Variants in SLAMF6 observed in about 807,000 individuals in gnomAD.
The protein encoded by SLAMF6 is NK-T-B-antigen.
SLAMF6 carries 21 observed loss-of-function variants against 38.3 expected under a neutral mutation model. The observed-to-expected ratio is 0.55, with a 90% CI of 0.39 to 0.79. The LOEUF is 0.79. Among genes scored for constraint, SLAMF6 ranks in the 30% least tolerant of loss-of-function variants. The pLI, the probability that SLAMF6 is intolerant of heterozygous loss-of-function variation, is 0.00. For synonymous variants in SLAMF6, 152 were observed against 146.3 expected, an observed-to-expected ratio of 1.04 and a Z score of -0.28; for missense variants, 341 against 385.3, an observed-to-expected ratio of 0.89 and a Z score of 0.96.
chr1:160,520,888 C>T (rs951281958), intron 1 of SLAMF6, among the ~76,000 whole-genome samples: 2 of 152,172 alleles, frequency 1.3e-5, no homozygotes, highest in African/African-American at 4.8e-5. Flanking sequence ...TCCTGCATCA[C>T]GGCTTTTCAC....
chr1:160,491,181 G>C lies in SLAMF6; in HGVS notation c.590C>G (p.Ala197Gly), dbSNP rs1330987694. Residue 197 changes from alanine to glycine, a missense_variant, in exon 3 of 8, where the codon GCA (alanine) becomes GGA (glycine). Ala to Gly is a moderately conservative substitution (Grantham distance 60). Transcript: ENST00000368057. ...GGATAAATTACTGACAGCATTCTCT[G>C]CTATGCAGGTGTAGTCCTGTTCACT... ...ISSEQDYTCI[A>G]ENAVSNLSFS... 4 of 1,613,940 alleles carry C rather than the reference G, an allele frequency of 2.5e-6. No homozygotes were observed. The highest frequency in any genetic ancestry group is 3.4e-6 in the Non-Finnish European group (4 of 1,179,992).
At chr1:160,511,110 T>C (rs1330058044) in intron 1 of SLAMF6, among the ~76,000 whole-genome samples, 2 of 152,192 alleles carry the variant, frequency 1.3e-5, no homozygotes, top group African/African-American at 2.4e-5. Context: ...ACATCCTATG[T>C]TCATTAATTG....
chr1:160,521,356 G>A (rs978564379), intron 1 of SLAMF6, among the ~76,000 whole-genome samples: 2 of 152,146 alleles, frequency 1.3e-5, no homozygotes, highest in African/African-American at 4.8e-5. Context: ...CTGTGAAGTG[G>A]AGATTGGAGC....
At chr1:160,519,688 G>A (rs900570847) in intron 1 of SLAMF6, among the ~76,000 whole-genome samples, 1 of 149,770 alleles carries the variant, frequency 6.7e-6, no homozygotes, top group Non-Finnish European at 1.5e-5. Context: ...AAAGAAGTCA[G>A]ACACGAAAGG....
intron 1 of SLAMF6, among the ~76,000 whole-genome samples, chr1:160,504,605 G>A (rs1391133367): frequency 6.6e-6 from 1 of 152,160 alleles, no homozygotes; most frequent in African/African-American, 2.4e-5. Flanking sequence ...AAAAACTGAG[G>A]AAAAGCACTT....
In SLAMF6 at chr1:160,489,181, A is replaced by C. The variant is rs1417016864; in HGVS notation, c.797-11T>G. The C allele has an allele frequency of 1.2e-6, 2 of 1,613,618 alleles. No individual in the cohort carries two copies. Among genetic ancestry groups the C allele is most frequent in the Admixed American group, 1.7e-5 (1 of 59,980 alleles). ...TCCTTGCGGACTCTGCTGTTAACATAGGAAGGCACAGTCAATGGCACAAGG... is the reference window on the plus strand; with the variant it reads ...TCCTTGCGGACTCTGCTGTTAACATCGGAAGGCACAGTCAATGGCACAAGG... On this transcript the variant is annotated splice_polypyrimidine_tract_variant and intron_variant, in intron 5 of 7. Coordinates refer to ENST00000368057, the MANE Select transcript of SLAMF6 (RefSeq NM_001184714.2).
In SLAMF6 at chr1:160,490,253, G is replaced by A. The variant is rs749327863; in HGVS notation, c.758-17C>T. ...ATAGGGAATCTGAAAAATAAAACCA[G>A]AAAATTGAAATGTGTGACAGCAGTG... On this transcript the variant is annotated splice_polypyrimidine_tract_variant and intron_variant, in intron 4 of 7. Transcript: ENST00000368057. 4 of 1,613,372 alleles carry A rather than the reference G, an allele frequency of 2.5e-6. No individual in the cohort carries two copies. Among genetic ancestry groups the A allele is most frequent in the Non-Finnish European group, 3.4e-6 (4 of 1,179,768 alleles).
chr1:160,491,687 C>G (rs751697346), intron 2 of SLAMF6, among the ~76,000 whole-genome samples: 4 of 152,258 alleles, frequency 2.6e-5, no homozygotes, highest in Middle Eastern at 6.8e-3. Flanking sequence ...TATTTCTGGT[C>G]TCCAGTTTAT....
intron 1 of SLAMF6, among the ~76,000 whole-genome samples, chr1:160,516,200 C>T (rs1357292682): frequency 6.6e-6 from 1 of 152,116 alleles, no homozygotes; most frequent in Admixed American, 6.6e-5. Flanking sequence ...CATTCTTATA[C>T]AACACACACA....
chr1:160,508,603 C>A (rs556341338), intron 1 of SLAMF6, among the ~76,000 whole-genome samples: 1 of 151,972 alleles, frequency 6.6e-6, no homozygotes, highest in Non-Finnish European at 1.5e-5. Flanking sequence ...GTATGGGCAA[C>A]GACTTCAATA....
At chr1:160,503,657 A>G (rs941584673) in intron 1 of SLAMF6, among the ~76,000 whole-genome samples, 4 of 152,136 alleles carry the variant, frequency 2.6e-5, no homozygotes, top group Non-Finnish European at 5.9e-5. Flanking sequence ...TGGCACAATA[A>G]ATAACTGCAA....
At chr1:160,522,436 A>G (rs1459211992) in intron 1 of SLAMF6, among the ~76,000 whole-genome samples, 1 of 152,170 alleles carries the variant, frequency 6.6e-6, no homozygotes, top group East Asian at 1.9e-4. Flanking sequence ...CTCTGCCTGA[A>G]TGCTACACTT....
intron 1 of SLAMF6, among the ~76,000 whole-genome samples, chr1:160,504,737 CA>C (rs1275815515): frequency 6.6e-6 from 1 of 152,048 alleles, no homozygotes; most frequent in Non-Finnish European, 1.5e-5. Flanking sequence ...ATAGTGGAGG[CA>C]AAAAATAGAT....
intron 1 of SLAMF6, among the ~76,000 whole-genome samples, chr1:160,520,336 G>GT (rs1263296368): frequency 1.3e-5 from 2 of 152,074 alleles, no homozygotes; most frequent in Non-Finnish European, 2.9e-5. Context: ...CTCAAAGTTA[G>GT]TTTCTATTTC....
chr1:160,495,659 T>C (rs950416658), intron 2 of SLAMF6, among the ~76,000 whole-genome samples: 1 of 152,220 alleles, frequency 6.6e-6, no homozygotes, highest in African/African-American at 2.4e-5. Context: ...TTACTATCTC[T>C]GTGACTTGTA....
At chr1:160,486,878 G>T (rs972300573) in intron 7 of SLAMF6, 124 bp from the exon 8 acceptor site, 2 of 1,125,346 alleles carry the variant, frequency 1.8e-6, no homozygotes, top group Non-Finnish European at 2.6e-6. Context: ...TGATAGCATA[G>T]GGCAGGATTA....
In SLAMF6 at chr1:160,489,128, G is replaced by T. The variant is rs765972398; in HGVS notation, c.839C>A (p.Thr280Lys). Reference protein sequence around the residue: ...RNLEYVSVSPTNNTVYASVTH... With the variant: ...RNLEYVSVSPKNNTVYASVTH... ...GACTGAAGCATACACAGTGTTGTTCGTTGGAGACACTGAAACATACTCTAG... is the reference window on the plus strand; with the variant it reads ...GACTGAAGCATACACAGTGTTGTTCTTTGGAGACACTGAAACATACTCTAG... Residue 280 changes from threonine (T) to lysine (K), a missense_variant, in exon 6 of 8, where the codon ACG becomes AAG. Physicochemically the swap from Thr to Lys is moderately conservative, Grantham distance 78. Transcript: ENST00000368057. 5 of 1,613,920 alleles carry T rather than the reference G, an allele frequency of 3.1e-6. No homozygotes were observed. Among genetic ancestry groups the T allele is most frequent in the South Asian group, 1.1e-5 (1 of 91,066 alleles).
chr1:160,498,873 GCCTGTT>G (rs1214350581), intron 1 of SLAMF6, among the ~76,000 whole-genome samples: 1 of 152,130 alleles, frequency 6.6e-6, no homozygotes, highest in Non-Finnish European at 1.5e-5. Flanking sequence ...TTTAAGAAGT[GCCTGTT>G]CATGTCCTTT....
At chr1:160,486,985 G>C in intron 7 of SLAMF6, 119 bp downstream of exon 7, 1 of 990,354 alleles carries the variant, frequency 1.0e-6, no homozygotes, top group South Asian at 1.4e-5. Flanking sequence ...GAGACTTTCC[G>C]CATGCTGCTG....
Sources: gnomAD v4.1 joint callset for allele counts (sites outside exome capture counted in the v4.1 genomes callset) on GRCh38, gnomAD v4.1.1 for gene constraint, MANE v1.5 for transcripts, NCBI Gene and HGNC (gene_info 2026-07-23, HGNC 2026-07-21) for gene names.